The following TRPV2 variants were observed in gnomAD, a reference collection of about 807,000 sequenced individuals.
TRPV2 encodes the protein transient receptor potential cation channel subfamily V member 2.
A neutral mutation model predicts 91.0 loss-of-function variants in TRPV2; 58 were observed. The ratio of observed to expected loss-of-function variants is 0.64; its 90% confidence interval spans 0.52 to 0.79. The LOEUF (loss-of-function observed/expected upper bound fraction) is 0.79. TRPV2 is among the 30% of genes least tolerant of loss of function. TRPV2 has a pLI of 0.00. For missense variants in TRPV2, 807 were observed against 969.6 expected, an observed-to-expected ratio of 0.83 and a Z score of 2.23; for synonymous variants, 417 against 414.8, an observed-to-expected ratio of 1.01 and a Z score of -0.06.
Position 16,432,082 on chromosome 17 carries a change from AG to A in TRPV2, c.1775del (p.Gly592ValfsTer54). On this transcript the variant is annotated frameshift_variant, in exon 12 of 15. Coordinates refer to ENST00000338560, the MANE Select transcript of TRPV2 (RefSeq NM_016113.5). LOFTEE classifies it high-confidence loss of function. ...QEDEGNGAQY[R>X]GILEASLELF... ...GGACGAGGGCAACGGGGCCCAGTAC[AG>A]GGGTATCCTGGAAGCCTCCTTGGAG... is the stretch of plus-strand genomic sequence containing the variant. 3 of 1,614,160 alleles carry A rather than the reference AG, an allele frequency of 1.9e-6. No individual in the cohort carries two copies. Among genetic ancestry groups the A allele is most frequent in the Non-Finnish European group, 2.5e-6 (3 of 1,180,004 alleles).
At chr17:16,416,678 C>T (rs866420399) in intron 1 of TRPV2, 3 of 152,204 alleles carry the variant, frequency 2.0e-5, no homozygotes, top group African/African-American at 7.2e-5. Flanking sequence ...TAGACAGACC[C>T]TGAAAGGCTT....
intron 11 of TRPV2, 36 bp downstream of exon 11, chr17:16,431,886 C>A (rs565082937): frequency 2.5e-6 from 4 of 1,613,722 alleles, no homozygotes; most frequent in Non-Finnish European, 2.5e-6. Flanking sequence ...CCCTTCCCCA[C>A]GTTCCTTGTC....
Position 16,417,625 on chromosome 17 carries a change from T to C in TRPV2, c.-44T>C. The C allele has an allele frequency of 3.7e-6, 6 of 1,603,526 alleles. No individual in the cohort carries two copies. The highest frequency in any genetic ancestry group is 5.1e-6 in the Non-Finnish European group (6 of 1,171,640). ...AGACAGGACCCTTGACATCTCCATCTGCACAGAGGTCCTGGCTGGACCGAG... is the reference window on the plus strand; with the variant it reads ...AGACAGGACCCTTGACATCTCCATCCGCACAGAGGTCCTGGCTGGACCGAG... On this transcript the variant is annotated 5_prime_UTR_variant, in exon 2 of 15. Coordinates refer to ENST00000338560, the MANE Select transcript of TRPV2 (RefSeq NM_016113.5).
chr17:16,417,725 A>T lies in TRPV2; in HGVS notation c.57A>T (p.Gln19His). 1 of 1,614,224 alleles carries T rather than the reference A, an allele frequency of 6.2e-7. No homozygotes were observed. The highest frequency in any genetic ancestry group is 8.5e-7 in the Non-Finnish European group (1 of 1,180,036). Residue 19 changes from glutamine to histidine, a missense_variant, in exon 2 of 15, where the codon CAA (glutamine) becomes CAT (histidine). By Grantham distance (24) the Gln-to-His change is conservative. Coordinates refer to ENST00000338560, the MANE Select transcript of TRPV2 (RefSeq NM_016113.5). Reference sequence around the variant, plus strand: ...GGTTGGAGACATTAGATGGAGGCCAAGAAGATGGCTCTGAGGCGGACAGAG... The same window carrying T: ...GGTTGGAGACATTAGATGGAGGCCATGAAGATGGCTCTGAGGCGGACAGAG... The part of the protein sequence containing the change: ...VFRLETLDGG[Q>H]EDGSEADRGK...
At chr17:16,436,317 G>T (rs959478373) in intron 14 of TRPV2, among the ~76,000 whole-genome samples, 4 of 152,188 alleles carry the variant, frequency 2.6e-5, no homozygotes, top group African/African-American at 9.7e-5. Flanking sequence ...CAGAATGGAG[G>T]TCAGGGCCCA....
At chr17:16,422,048 TA>T (rs987566471) in intron 3 of TRPV2, among the ~76,000 whole-genome samples, 37 of 151,444 alleles carry the variant, frequency 2.4e-4, no homozygotes, top group African/African-American at 8.9e-4. Context: ...CTCACGCCTG[TA>T]ATCCCAGCAC....
intron 2 of TRPV2, 130 bp downstream of exon 2, chr17:16,417,998 C>A: frequency 1.1e-6 from 1 of 924,176 alleles, no homozygotes; most frequent in Non-Finnish European, 1.6e-6. Context: ...CTCAGTCTGG[C>A]CCTGGTGGCT....
chr17:16,421,211 T>TC (rs200587266), intron 3 of TRPV2, among the ~76,000 whole-genome samples: 28 of 151,096 alleles, frequency 1.9e-4, no homozygotes, highest in Non-Finnish European at 3.4e-4. Context: ...TTTATATTAT[T>TC]CCCCTTTTTT....
At chr17:16,431,256 CATATATATATATATAT>C (rs60066961) in intron 10 of TRPV2, among the ~76,000 whole-genome samples, 19 of 67,802 alleles carry the variant, frequency 2.8e-4, no homozygotes, top group African/African-American at 1.0e-3. Context: ...TGATCTGAGA[CATATATATATATATAT>C]ATATATATAT....
intron 13 of TRPV2, 148 bp downstream of exon 13, chr17:16,433,846 A>T (rs906118036): frequency 8.2e-5 from 98 of 1,189,722 alleles, no homozygotes; most frequent in Middle Eastern, 5.8e-4. Flanking sequence ...TGAGCAGGTG[A>T]GGTCAGGGGT....
chr17:16,431,291 A>ATACATTTTT (rs1333090555), intron 10 of TRPV2, among the ~76,000 whole-genome samples: 4 of 67,378 alleles, frequency 5.9e-5, no homozygotes, highest in African/African-American at 2.6e-4. Flanking sequence ...ATATATACAT[A>ATACATTTTT]TTTTTTTTTT....
chr17:16,418,127 C>T (rs2093340293), intron 2 of TRPV2, among the ~76,000 whole-genome samples: 1 of 152,230 alleles, frequency 6.6e-6, no homozygotes, highest in Non-Finnish European at 1.5e-5. Flanking sequence ...TTCTTGAGCT[C>T]TAAGTCCTCA....
intron 4 of TRPV2, among the ~76,000 whole-genome samples, chr17:16,423,261 C>A (rs1450957257): frequency 1.3e-5 from 2 of 152,264 alleles, no homozygotes; most frequent in Non-Finnish European, 2.9e-5. Flanking sequence ...CTTGGCCAGG[C>A]AGAGCCTGAA....
chr17:16,430,487 C>CTTTTTTTTTTTTTTTTTTTTTT (rs576176898), intron 10 of TRPV2, among the ~76,000 whole-genome samples: 1 of 80,480 alleles, frequency 1.2e-5, no homozygotes. Flanking sequence ...AAATGCCTTC[C>CTTTTTTTTTTTTTTTTTTTTTT]TTTTTTTTTT....
chr17:16,419,419 G>T (rs372858142), intron 2 of TRPV2: 8 of 470,750 alleles, frequency 1.7e-5, no homozygotes, highest in Admixed American at 7.1e-5. Flanking sequence ...GTAATGCTCT[G>T]TTTCTGGGAA....
chr17:16,422,550 C>T (rs2093362989), intron 3 of TRPV2, 49 bp from the exon 4 acceptor site: 3 of 1,581,196 alleles, frequency 1.9e-6, no homozygotes, highest in South Asian at 2.3e-5. Context: ...AGCCCAGCCA[C>T]TCCAGGTCTC....
chr17:16,433,623 A>G lies in TRPV2; in HGVS notation c.2039A>G (p.Lys680Arg). 1 of 1,614,202 alleles carries G rather than the reference A, an allele frequency of 6.2e-7. No individual in the cohort carries two copies. The change falls in exon 13 of 15, where the codon AAG becomes AGG. Residue 680 changes from lysine (K) to arginine (R), a missense_variant. Lys to Arg is a conservative substitution (Grantham distance 26). Coordinates refer to ENST00000338560, the MANE Select transcript of TRPV2 (RefSeq NM_016113.5). ...GAGAATGGCTATTGGTGGTGCAGGA[A>G]GAAGCAGCGGGCAGGTGTGATGCTG... ...EMENGYWWCR[K>R]KQRAGVMLTV...
chr17:16,430,665 T>G (rs2093405659), intron 10 of TRPV2, among the ~76,000 whole-genome samples: 1 of 152,052 alleles, frequency 6.6e-6, no homozygotes, highest in Admixed American at 6.6e-5. Context: ...TTTTTTATTT[T>G]TAGTAGAGAC....
In TRPV2 at chr17:16,435,478, T is replaced by C. The variant is rs2093431019; in HGVS notation, c.2194+509T>C. 6.6e-6 allele frequency among the ~76,000 whole-genome samples: 1 copy of C among 152,004 alleles called. No homozygotes were observed. Among genetic ancestry groups the C allele is most frequent in the Non-Finnish European group, 1.5e-5 (1 of 67,996 alleles). The stretch of plus-strand genomic sequence containing the variant: ...CCTCTGAGAAACCACTTCCCATGCT[T>C]CCTCCATGTCCGTGGCCTGTGTCCT... On this transcript the variant is annotated intron_variant, in intron 14 of 14. Transcript: ENST00000338560. This position sits in a 1 kb window ranked among gnomAD's most constrained non-coding sequence, Gnocchi z 4.2.
Sources: gnomAD v4.1 joint callset for allele counts (sites outside exome capture counted in the v4.1 genomes callset) on GRCh38, gnomAD v4.1.1 for gene constraint, Gnocchi (gnomAD v3.1) non-coding constraint, MANE v1.5 for transcripts, NCBI Gene and HGNC (gene_info 2026-07-23, HGNC 2026-07-21) for gene names.